The following PPP2R3A variants were observed in gnomAD, a reference collection of about 807,000 sequenced individuals.
PPP2R3A encodes the protein protein phosphatase 2 regulatory subunit B''alpha, also known as serine/threonine-protein phosphatase 2A regulatory subunit B'' subunit alpha.
PPP2R3A carries 80 observed loss-of-function variants against 106.9 expected under a neutral mutation model. The observed-to-expected ratio is 0.75, with a 90% CI of 0.62 to 0.90. The LOEUF (loss-of-function observed/expected upper bound fraction) is 0.90. Ranked by LOEUF, PPP2R3A falls within the 40% of genes least tolerant of loss-of-function variation. The pLI, the probability that PPP2R3A is intolerant of heterozygous loss-of-function variation, is 0.00. For missense variants in PPP2R3A, 1,386 were observed against 1,350.4 expected (o/e 1.03, Z -0.41); for synonymous variants, 483 against 468.3 (o/e 1.03, Z -0.41).
chr3:136,092,111 C>T (rs1028632135), intron 10 of PPP2R3A, among the ~76,000 whole-genome samples: 5 of 152,082 alleles, frequency 3.3e-5, no homozygotes, highest in Non-Finnish European at 7.4e-5. Context: ...GGCAGATCAC[C>T]TGAGATCAGG....
At chr3:136,005,384 A>T (rs1038342364) in intron 2 of PPP2R3A, among the ~76,000 whole-genome samples, 5 of 152,148 alleles carry the variant, frequency 3.3e-5, no homozygotes, top group Non-Finnish European at 5.9e-5. Flanking sequence ...TGTGGCTGCT[A>T]TTCTTCTGTG....
At chr3:135,968,833 C>A (rs917505240) in intron 1 of PPP2R3A, among the ~76,000 whole-genome samples, 6 of 152,196 alleles carry the variant, frequency 3.9e-5, no homozygotes. Context: ...ATACTGTACA[C>A]TCTGTTTTCT....
intron 8 of PPP2R3A, among the ~76,000 whole-genome samples, chr3:136,086,210 G>A (rs531270292): frequency 2.8e-4 from 42 of 152,016 alleles, no homozygotes; most frequent in African/African-American, 9.4e-4. Context: ...TTGGCCAGGC[G>A]CGGTGGCTCA....
rs1933695130 is a variant in PPP2R3A, at chr3:136,002,903, A to G, written c.1405A>G (p.Ile469Val). 6.2e-7 allele frequency: 1 copy of G among 1,612,326 alleles called. No individual in the cohort carries two copies. The highest frequency in any genetic ancestry group is 8.5e-7 in the Non-Finnish European group (1 of 1,179,544). The change falls in exon 2 of 14, where the codon ATT becomes GTT. Residue 469 changes from isoleucine to valine, a missense_variant. Coordinates refer to ENST00000264977, the MANE Select transcript of PPP2R3A (RefSeq NM_002718.5). The stretch of plus-strand genomic sequence containing the variant: ...ATGCCCCACCCCAATGCAAAATGAA[A>G]TTGGTAAGATATTTGAGAAATCATT... Reference protein sequence around the residue: ...KKCPTPMQNEIGKIFEKSFVN... With the variant: ...KKCPTPMQNEVGKIFEKSFVN...
intron 13 of PPP2R3A, among the ~76,000 whole-genome samples, chr3:136,136,095 A>ATATGTATATATATAT (rs1559940409): frequency 7.4e-6 from 1 of 134,234 alleles, no homozygotes; most frequent in Non-Finnish European, 1.6e-5. Flanking sequence ...TATATATATA[A>ATATGTATATATATAT]AAAACATCAT....
At position 136,145,252 on chromosome 3, in the gene PPP2R3A, T is replaced by C. The variant is rs2108044915; in HGVS notation, c.*86T>C. On this transcript the variant is annotated 3_prime_UTR_variant, in exon 14 of 14. Transcript: ENST00000264977. Reference sequence around the variant, plus strand: ...ATGTTCTCGTTTGCATACTGCTTTTTAAAGACTTTGATTTCTCCAAGTGTG... The same window carrying C: ...ATGTTCTCGTTTGCATACTGCTTTTCAAAGACTTTGATTTCTCCAAGTGTG... 1 of 1,461,808 alleles carries C rather than the reference T, an allele frequency of 6.8e-7. No individual in the cohort carries two copies. Among genetic ancestry groups the C allele is most frequent in the East Asian group, 2.4e-5 (1 of 40,910 alleles). The allele number at this position is 1,461,808 out of a possible 1,614,324, so 90.6% of individuals were successfully genotyped here.
At chr3:136,139,401 G>C (rs894450969) in intron 13 of PPP2R3A, among the ~76,000 whole-genome samples, 2 of 152,060 alleles carry the variant, frequency 1.3e-5, no homozygotes, top group African/African-American at 2.4e-5. Context: ...CTATGTTAGA[G>C]AATTTGTTCT....
Position 136,108,033 on chromosome 3 carries a change from C to T in PPP2R3A, c.3329+1711C>T, listed in dbSNP as rs145957845. 1.4e-3 allele frequency among the ~76,000 whole-genome samples: 216 copies of T among 152,140 alleles called. 1 individual carries two copies. The highest frequency in any genetic ancestry group is 4.8e-3 in the African/African-American group (201 of 41,490). On this transcript the variant is annotated intron_variant, in intron 13 of 13. Transcript: ENST00000264977. ...TTCGAGACCAGCCTGGGCAATGTGG[C>T]GAAACCCCATCTCTACAAAAAATAC...
chr3:136,066,805 C>G (rs1222333323), intron 5 of PPP2R3A, among the ~76,000 whole-genome samples: 1 of 152,090 alleles, frequency 6.6e-6, no homozygotes, highest in Non-Finnish European at 1.5e-5. Context: ...TCACCTTCCA[C>G]CAGGCCCCCA....
intron 2 of PPP2R3A, among the ~76,000 whole-genome samples, chr3:136,016,687 T>C (rs1319423952): frequency 6.6e-6 from 1 of 152,192 alleles, no homozygotes; most frequent in Non-Finnish European, 1.5e-5. Flanking sequence ...CCCCTTTACC[T>C]TAAGTCTCTG....
At chr3:136,133,606 TCTCA>T (rs1214748703) in intron 13 of PPP2R3A, among the ~76,000 whole-genome samples, 4 of 152,096 alleles carry the variant, frequency 2.6e-5, no homozygotes, top group East Asian at 1.9e-4. Flanking sequence ...GAATCAATAA[TCTCA>T]CTCCTAGAAA....
chr3:136,120,873 A>G (rs532412386), intron 13 of PPP2R3A, among the ~76,000 whole-genome samples: 13 of 152,310 alleles, frequency 8.5e-5, no homozygotes, highest in East Asian at 3.9e-4. Context: ...CAAAACCACA[A>G]TGAGATACTA....
rs2107822519 is a variant in PPP2R3A at position 136,026,853 on chromosome 3, A to G, written c.2017A>G (p.Lys673Glu). The G allele has an allele frequency of 1.2e-6, 2 of 1,606,874 alleles. No individual in the cohort carries two copies. Among genetic ancestry groups the G allele is most frequent in the East Asian group, 4.5e-5 (2 of 44,810 alleles). ...VIKIQNKPEKKPGTPLPPPAT... is the reference protein window; with the variant it reads ...VIKIQNKPEKEPGTPLPPPAT... ...TTAGATTCAAAATAAACCAGAAAAG[A>G]AACCTGGAACACCACTCCCACCTCC... The change falls in exon 3 of 14, where the codon AAA (lysine) becomes GAA (glutamate). Residue 673 changes from lysine to glutamate, a missense_variant. Physicochemically the swap from Lys to Glu is moderately conservative, Grantham distance 56. Transcript: ENST00000264977.
At chr3:136,023,053 A>C in intron 2 of PPP2R3A, 1 of 1,612,586 alleles carries the variant, frequency 6.2e-7, no homozygotes, top group Non-Finnish European at 8.5e-7. Flanking sequence ...TGCGAAGTAA[A>C]CATTTACTTT....
rs1256015502 is a variant in PPP2R3A, at chr3:136,106,108, A to G, written c.3223-108A>G. On this transcript the variant is annotated intron_variant, in intron 12 of 13. Coordinates refer to ENST00000264977, the MANE Select transcript of PPP2R3A (RefSeq NM_002718.5). ...TCTTTTAAACCTGTTGAAATGAAAC[A>G]TTTTTCAGGTAGGATTTTTTCAGCA... 4.3e-6 allele frequency: 4 copies of G among 919,884 alleles called. No individual in the cohort carries two copies. The African/African-American group carries it at 6.9e-5, about 16-fold the overall frequency. 57.0% of individuals were successfully genotyped at this position (919,884 alleles called of 1,614,324 possible).
At chr3:136,050,749 C>G (rs962431726) in intron 5 of PPP2R3A, among the ~76,000 whole-genome samples, 1 of 144,844 alleles carries the variant, frequency 6.9e-6, no homozygotes, top group African/African-American at 2.4e-5. Context: ...GCAGAAATCT[C>G]CTGCTGCCAT....
intron 7 of PPP2R3A, among the ~76,000 whole-genome samples, chr3:136,081,717 T>G (rs1936786328): frequency 6.6e-6 from 1 of 152,152 alleles, no homozygotes; most frequent in Non-Finnish European, 1.5e-5. Flanking sequence ...GTACAGTGAG[T>G]CAGGGAAGAC....
At chr3:136,032,651 C>T (rs1934940466) in intron 3 of PPP2R3A, among the ~76,000 whole-genome samples, 1 of 152,068 alleles carries the variant, frequency 6.6e-6, no homozygotes, top group South Asian at 2.1e-4. Flanking sequence ...TCTCCTGCCT[C>T]AGCCTCCCAA....
At position 136,002,039 on chromosome 3, in the gene PPP2R3A, T is replaced by A; in HGVS notation, c.541T>A (p.Ser181Thr). Residue 181 changes from serine (S) to threonine (T), a missense_variant, in exon 2 of 14, where the codon TCA (serine) becomes ACA (threonine). Transcript: ENST00000264977. ...ATCCTTTGGTTTACTGCGGAGTTCCTCAGTTGAGGAAAAACCTTTGTCTCA... is the reference window on the plus strand; with the variant it reads ...ATCCTTTGGTTTACTGCGGAGTTCCACAGTTGAGGAAAAACCTTTGTCTCA... ...APSFGLLRSS[S>T]VEEKPLSHRN... 1.2e-6 allele frequency: 2 copies of A among 1,613,956 alleles called. No individual in the cohort carries two copies. Among genetic ancestry groups the A allele is most frequent in the Non-Finnish European group, 1.7e-6 (2 of 1,179,960 alleles).
Sources: allele counts gnomAD v4.1 joint callset (sites outside exome capture counted in the v4.1 genomes callset), GRCh38; gene constraint gnomAD v4.1.1; transcripts MANE v1.5; gene names NCBI Gene and HGNC (gene_info 2026-07-23, HGNC 2026-07-21).